FAF1: variants seen among roughly 807,000 people sequenced by gnomAD.
FAF1 encodes Fas associated factor 1, also known as FAS-associated factor 1.
Under a neutral mutation model 92.5 loss-of-function variants are expected in FAF1, and 25 were observed. The observed-to-expected ratio is 0.27, with a 90% CI of 0.20 to 0.38. The LOEUF (loss-of-function observed/expected upper bound fraction) is 0.38, where lower values mean the gene tolerates loss of function less well. Ranked by LOEUF, FAF1 falls within the 10% of genes least tolerant of loss-of-function variation. The probability of loss-of-function intolerance (pLI) is 1.00; values close to 1 mark genes in which losing one functional copy is unlikely to be tolerated. For missense variants in FAF1, 636 were observed against 793.3 expected (o/e 0.80, Z 2.38); for synonymous variants, 234 against 273.2 (o/e 0.86, Z 1.42).
intron 3 of FAF1, among the ~76,000 whole-genome samples, chr1:50,800,105 T>TTATA (rs199703084): frequency 0.01 from 1,532 of 152,270 alleles, 38 homozygotes; most frequent in East Asian, 0.013. Flanking sequence ...ACCCCAAATA[T>TTATA]TATAGTAACT....
At chr1:50,851,340 T>G (rs957364899) in intron 2 of FAF1, among the ~76,000 whole-genome samples, 10 of 152,244 alleles carry the variant, frequency 6.6e-5, no homozygotes, top group Non-Finnish European at 1.5e-4. Flanking sequence ...CCCAAAGTGC[T>G]GGGCCTATAG....
At chr1:50,929,781 T>C (rs1206643210) in intron 1 of FAF1, among the ~76,000 whole-genome samples, 1 of 152,218 alleles carries the variant, frequency 6.6e-6, no homozygotes, top group Non-Finnish European at 1.5e-5. Flanking sequence ...AAAGTACATC[T>C]AAAGATTTAT....
chr1:50,916,682 T>C (rs936242194), intron 1 of FAF1, among the ~76,000 whole-genome samples: 2 of 152,112 alleles, frequency 1.3e-5, no homozygotes, highest in African/African-American at 2.4e-5. Flanking sequence ...TAACAAATCA[T>C]AGATTGGAAA....
At position 50,651,753 on chromosome 1, in the gene FAF1, T is replaced by G. The variant is rs559979992; in HGVS notation, c.744+3689A>C. On this transcript the variant is annotated intron_variant, in intron 8 of 18. Coordinates refer to ENST00000396153, the MANE Select transcript of FAF1 (RefSeq NM_007051.3). ...TGTACCCAATTCATGCCCTAAGCTG[T>G]GAGGACTATTTTGTTTTGTAGCAGA... 4.0e-4 allele frequency among the ~76,000 whole-genome samples: 61 copies of G among 152,304 alleles called. 1 individual carries two copies. Among genetic ancestry groups the G allele is most frequent in the Admixed American group, 2.2e-3 (34 of 15,288 alleles).
intron 13 of FAF1, among the ~76,000 whole-genome samples, chr1:50,551,477 C>A (rs2149046566): frequency 6.6e-6 from 1 of 152,168 alleles, no homozygotes; most frequent in South Asian, 2.1e-4. Context: ...CATGTAAATA[C>A]CATGATTTTA....
chr1:50,526,250 T>G (rs531110362), intron 15 of FAF1, among the ~76,000 whole-genome samples: 1 of 152,070 alleles, frequency 6.6e-6, no homozygotes, highest in East Asian at 2.0e-4. Flanking sequence ...TACCTTGGCC[T>G]GCTCATGGTG....
At chr1:50,824,945 T>C (rs183310347) in intron 2 of FAF1, among the ~76,000 whole-genome samples, 1 of 151,372 alleles carries the variant, frequency 6.6e-6, no homozygotes, top group Non-Finnish European at 1.5e-5. Context: ...ATAGGGGAGG[T>C]TGGGAAGGGT....
intron 8 of FAF1, among the ~76,000 whole-genome samples, chr1:50,613,415 C>T (rs1195622902): frequency 6.6e-6 from 1 of 152,102 alleles, no homozygotes; most frequent in Admixed American, 6.5e-5. Flanking sequence ...GACAGACATA[C>T]TGTTTTCATT....
At chr1:50,647,015 T>A (rs1262965690) in intron 8 of FAF1, among the ~76,000 whole-genome samples, 1 of 151,980 alleles carries the variant, frequency 6.6e-6, no homozygotes, top group Non-Finnish European at 1.5e-5. Flanking sequence ...CCAGCTAATT[T>A]TTTTTGTATT....
intron 7 of FAF1, among the ~76,000 whole-genome samples, chr1:50,676,646 A>G (rs1656134274): frequency 6.6e-6 from 1 of 151,836 alleles, no homozygotes; most frequent in African/African-American, 2.4e-5. Flanking sequence ...ACGTGGTAAA[A>G]CCCTGTCTCT....
intron 1 of FAF1, among the ~76,000 whole-genome samples, chr1:50,885,289 GTC>G (rs1424473912): frequency 1.1e-5 from 1 of 88,298 alleles, no homozygotes; most frequent in Non-Finnish European, 2.3e-5. Flanking sequence ...TTCTCTCCGT[GTC>G]TCTTTCTCTC....
At chr1:50,850,056 A>G (rs1290614502) in intron 2 of FAF1, among the ~76,000 whole-genome samples, 4 of 152,068 alleles carry the variant, frequency 2.6e-5, no homozygotes, top group Admixed American at 2.6e-4. Flanking sequence ...AAGGAATAAA[A>G]GGGATAAAAC....
At chr1:50,601,682 C>A (rs1339233543) in intron 8 of FAF1, among the ~76,000 whole-genome samples, 1 of 150,636 alleles carries the variant, frequency 6.6e-6, no homozygotes, top group Non-Finnish European at 1.5e-5. Context: ...TCAAACAATA[C>A]ATATATATTC....
intron 15 of FAF1, among the ~76,000 whole-genome samples, chr1:50,510,031 T>A (rs1434279444): frequency 6.6e-6 from 1 of 151,768 alleles, no homozygotes; most frequent in Non-Finnish European, 1.5e-5. Context: ...TAGCCGGGTG[T>A]GGCGGTGTGC....
intron 2 of FAF1, among the ~76,000 whole-genome samples, chr1:50,837,932 AC>A: frequency 6.6e-6 from 1 of 151,932 alleles, no homozygotes; most frequent in Non-Finnish European, 1.5e-5. Context: ...TTTAGCAGAG[AC>A]GGGGTTTCAC....
At chr1:50,554,380 T>G (rs1171142208) in intron 13 of FAF1, among the ~76,000 whole-genome samples, 37 of 99,436 alleles carry the variant, frequency 3.7e-4, no homozygotes, top group South Asian at 8.6e-4. Flanking sequence ...TATATATATA[T>G]ATATATATAT....
chr1:50,857,863 ATAAT>A (rs1644402294), intron 2 of FAF1, 62 bp downstream of exon 2: 1 of 1,012,992 alleles, frequency 9.9e-7, no homozygotes, highest in Non-Finnish European at 1.5e-6. Context: ...TCTATAAAAA[ATAAT>A]TAAAGACATT....
chr1:50,463,617 A>G (rs1017203221), intron 18 of FAF1, among the ~76,000 whole-genome samples: 2 of 152,216 alleles, frequency 1.3e-5, no homozygotes, highest in Admixed American at 1.3e-4. Flanking sequence ...ACTACTATCT[A>G]TGCTTTAGGG....
intron 1 of FAF1, among the ~76,000 whole-genome samples, chr1:50,892,012 C>T (rs1044520244): frequency 5.3e-5 from 8 of 152,126 alleles, no homozygotes; most frequent in African/African-American, 1.7e-4. Context: ...CCACCCAGTT[C>T]GAGCTTCCCC....
Sources: gnomAD v4.1 joint callset for allele counts (sites outside exome capture counted in the v4.1 genomes callset) on GRCh38, gnomAD v4.1.1 for gene constraint, MANE v1.5 for transcripts, NCBI Gene and HGNC (gene_info 2026-07-23, HGNC 2026-07-21) for gene names.